The following NIN variants were observed in gnomAD, a reference collection of about 807,000 sequenced individuals.
NIN encodes the protein ninein, also known as glycogen synthase kinase 3 beta-interacting protein.
Under a neutral mutation model 257.6 loss-of-function variants are expected in NIN, and 137 were observed. That is an observed-to-expected ratio of 0.53 (90% CI 0.46 to 0.61). The LOEUF is 0.61. Among genes scored for constraint, NIN ranks in the 20% least tolerant of loss-of-function variants. NIN has a pLI of 0.00. For synonymous variants in NIN, 918 were observed against 919.8 expected (o/e 1.00, Z 0.04); for missense variants, 2,439 against 2,501.2 (o/e 0.98, Z 0.53).
At position 50,738,182 on chromosome 14, in the gene NIN, C is replaced by T. The variant is rs753636069; in HGVS notation, c.5733G>A (p.Glu1911=). ...TEQEKLSLKR[E]CDQFQKEQSP... Reference sequence around the variant, plus strand: ...ATTGTTCTTTCTGAAACTGATCACACTCTCTCTTTAAGCTCAATTTTTCTT... The same window carrying T: ...ATTGTTCTTTCTGAAACTGATCACATTCTCTCTTTAAGCTCAATTTTTCTT... Residue 1911 remains glutamate (E), a synonymous_variant, in exon 27 of 31, where the codon GAG becomes GAA. Coordinates refer to ENST00000530997, the MANE Select transcript of NIN (RefSeq NM_020921.4). 1 of 1,614,016 alleles carries T rather than the reference C, an allele frequency of 6.2e-7. No homozygotes were observed. The highest frequency in any genetic ancestry group is 8.5e-7 in the Non-Finnish European group (1 of 1,180,030).
intron 27 of NIN, 113 bp downstream of exon 27, chr14:50,738,027 G>T: frequency 1.9e-6 from 2 of 1,057,444 alleles, no homozygotes; most frequent in Non-Finnish European, 2.8e-6. Flanking sequence ...AGAGATACAT[G>T]CCAAAATATG....
chr14:50,757,236 T>A lies in NIN; in HGVS notation c.3794A>T (p.Glu1265Val). Residue 1265 changes from glutamate (E) to valine (V), a missense_variant, in exon 18 of 31, where the codon GAG becomes GTG. Around this residue, in one of 3 missense-constraint regions of NIN, gnomAD observed 2,043 missense variants for 2,050.2 expected, o/e 1.00. Coordinates refer to ENST00000530997, the MANE Select transcript of NIN (RefSeq NM_020921.4). ...VSRENDCLQE[E>V]LRMMETRYDE... Reference sequence around the variant, plus strand: ...GTAGCGTGTCTCCATCATTCTCAGCTCTTCCTGAAGGCAGTCATTTTCTCG... The same window carrying A: ...GTAGCGTGTCTCCATCATTCTCAGCACTTCCTGAAGGCAGTCATTTTCTCG... 6.2e-7 allele frequency: 1 copy of A among 1,614,164 alleles called. No homozygotes were observed.
chr14:50,784,189 C>G (rs1033477094), intron 5 of NIN, among the ~76,000 whole-genome samples: 6 of 152,210 alleles, frequency 3.9e-5, no homozygotes, highest in Non-Finnish European at 7.3e-5. Context: ...TCTGTGACCC[C>G]TCAGTACCTT....
chr14:50,743,383 A>C, intron 24 of NIN, 33 bp downstream of exon 24: 1 of 1,315,774 alleles, frequency 7.6e-7, no homozygotes. Context: ...GAGAATACTA[A>C]CCGTGAAGAT....
At chr14:50,782,172 A>G (rs12323631) in intron 5 of NIN, among the ~76,000 whole-genome samples, 119,390 of 152,126 alleles carry the variant, frequency 0.78, 49,552 homozygotes, top group East Asian at 1. Flanking sequence ...GCCCGTTTAT[A>G]TGTTATGGGT....
chr14:50,757,157 C>T lies in NIN; in HGVS notation c.3873G>A (p.Gln1291=), dbSNP rs770222754. 8.7e-6 allele frequency: 14 copies of T among 1,612,884 alleles called. No individual in the cohort carries two copies. Among genetic ancestry groups the T allele is most frequent in the Non-Finnish European group, 1.2e-5 (14 of 1,179,642 alleles). Residue 1291 remains glutamine (Q), a synonymous_variant, in exon 18 of 31, where the codon CAG becomes CAA. Coordinates refer to ENST00000530997, the MANE Select transcript of NIN (RefSeq NM_020921.4). The stretch of plus-strand genomic sequence containing the variant: ...CTTCCTCCATTTTCTTCAGCTCATC[C>T]TGCAACCTGAAAACCTCTGCAGTGA... ...KELTAEVFRL[Q]DELKKMEEVT... is the part of the protein sequence containing the mutation.
Position 50,722,259 on chromosome 14 carries a change from G to C in NIN, c.*1204C>G. 4.5e-6 allele frequency: 1 copy of C among 224,120 alleles called. No homozygotes were observed. The allele number at this position is 224,120 out of a possible 1,614,324, so 13.9% of individuals were successfully genotyped here. A position where few individuals can be genotyped will look rare whatever the true frequency, so the allele number is the denominator to read the frequency against. On this transcript the variant is annotated 3_prime_UTR_variant, in exon 31 of 31. Coordinates refer to ENST00000530997, the MANE Select transcript of NIN (RefSeq NM_020921.4). ...TCCTATTTGGCACTCCTTGACCTCA[G>C]GTGGCATGCCAATGATTATCACAGT...
chr14:50,827,970 GA>G (rs139378214), intron 2 of NIN, among the ~76,000 whole-genome samples: 196 of 144,488 alleles, frequency 1.4e-3, no homozygotes, highest in African/African-American at 4.2e-3. Flanking sequence ...TTAGCTACAG[GA>G]AAAAAAAAAC....
intron 8 of NIN, 106 bp downstream of exon 8, chr14:50,772,843 C>G: frequency 2.1e-6 from 2 of 934,622 alleles, no homozygotes; most frequent in Admixed American, 2.7e-5. Flanking sequence ...TTGCTTCCCT[C>G]TCTTTCCTTA....
At chr14:50,765,078 A>AT (rs1566822739) in intron 14 of NIN, among the ~76,000 whole-genome samples, 3 of 149,460 alleles carry the variant, frequency 2.0e-5, no homozygotes, top group Non-Finnish European at 1.5e-5. Context: ...AAAAAAAAAA[A>AT]AAAAAAAAAA....
chr14:50,766,546 G>A (rs559022172), intron 13 of NIN, 150 bp from the exon 14 acceptor site: 3 of 722,134 alleles, frequency 4.2e-6, no homozygotes, highest in South Asian at 3.3e-5. Flanking sequence ...CTGGGTGATG[G>A]GGAGAACGCA....
chr14:50,756,592 C>A lies in NIN; in HGVS notation c.4438G>T (p.Asp1480Tyr). Residue 1480 changes from aspartate (D) to tyrosine (Y), a missense_variant, in exon 18 of 31, where the codon GAT becomes TAT. By Grantham distance (160) the Asp-to-Tyr change is radical. Around this residue, in one of 3 missense-constraint regions of NIN, gnomAD observed 2,043 missense variants for 2,050.2 expected, o/e 1.00. Coordinates refer to ENST00000530997, the MANE Select transcript of NIN (RefSeq NM_020921.4). ...ERVTILVKQK[D>Y]VLSHGEKEEE... Reference sequence around the variant, plus strand: ...TCCTTTTCTCCGTGAGAAAGTACATCTTTTTGCTTAACTAAAATAGTGACT... The same window carrying A: ...TCCTTTTCTCCGTGAGAAAGTACATATTTTTGCTTAACTAAAATAGTGACT... The A allele has an allele frequency of 1.2e-6, 2 of 1,602,140 alleles. No homozygotes were observed. Among genetic ancestry groups the A allele is most frequent in the East Asian group, 2.2e-5 (1 of 44,630 alleles).
At chr14:50,734,249 C>T (rs1365532649) in intron 28 of NIN, among the ~76,000 whole-genome samples, 1 of 151,934 alleles carries the variant, frequency 6.6e-6, no homozygotes, top group Non-Finnish European at 1.5e-5. Flanking sequence ...ACCACCACGC[C>T]CAGCTAATTT....
At chr14:50,779,340 T>G (rs187488995) in intron 5 of NIN, among the ~76,000 whole-genome samples, 1 of 152,276 alleles carries the variant, frequency 6.6e-6, no homozygotes, top group East Asian at 1.9e-4. Context: ...GTATTTTAAG[T>G]GCTATGACAA....
intron 3 of NIN, among the ~76,000 whole-genome samples, chr14:50,811,367 C>T (rs1428767701): frequency 6.6e-6 from 1 of 151,202 alleles, no homozygotes; most frequent in Non-Finnish European, 1.5e-5. Context: ...TCACGGCCTC[C>T]CAAAGTGTTG....
chr14:50,759,639 G>GC (rs1215852475), intron 17 of NIN, among the ~76,000 whole-genome samples: 3 of 151,936 alleles, frequency 2.0e-5, no homozygotes, highest in Non-Finnish European at 4.4e-5. Flanking sequence ...GACTACAGGC[G>GC]CCCGCCACCA....
chr14:50,765,065 A>C (rs954103069), intron 14 of NIN, among the ~76,000 whole-genome samples: 12 of 52,970 alleles, frequency 2.3e-4, no homozygotes, highest in African/African-American at 1.2e-3. Flanking sequence ...TCTCTACTTA[A>C]AAAAAAAAAA....
chr14:50,807,067 C>T (rs1381102464), intron 3 of NIN, among the ~76,000 whole-genome samples: 1 of 152,146 alleles, frequency 6.6e-6, no homozygotes. Flanking sequence ...TAGCAAAATC[C>T]TCTTTATAAA....
intron 5 of NIN, among the ~76,000 whole-genome samples, chr14:50,788,294 C>T (rs2043431669): frequency 6.6e-6 from 1 of 152,188 alleles, no homozygotes; most frequent in Non-Finnish European, 1.5e-5. Context: ...TATGAATAGG[C>T]ACCAGATGAG....
Sources: allele counts gnomAD v4.1 joint callset (sites outside exome capture counted in the v4.1 genomes callset), GRCh38; gene constraint gnomAD v4.1.1; regional missense constraint gnomAD v4.1.1; transcripts MANE v1.5; gene names NCBI Gene and HGNC (gene_info 2026-07-23, HGNC 2026-07-21).